TBC1D5: variants seen among roughly 807,000 people sequenced by gnomAD.
TBC1D5 encodes the protein TBC1 domain family, member 5.
In TBC1D5, 75 loss-of-function variants were observed where a neutral mutation model predicts 100.3. The observed-to-expected ratio is 0.75, with a 90% CI of 0.62 to 0.91. The LOEUF is 0.91. Among genes scored for constraint, TBC1D5 ranks in the 40% least tolerant of loss-of-function variants. TBC1D5 has a pLI of 0.00. For synonymous variants in TBC1D5, 323 were observed against 325.6 expected, an observed-to-expected ratio of 0.99 and a Z score of 0.09; for missense variants, 910 against 942.4, an observed-to-expected ratio of 0.97 and a Z score of 0.45.
intron 19 of TBC1D5, among the ~76,000 whole-genome samples, chr3:17,181,087 A>C (rs1390247547): frequency 2.6e-5 from 4 of 152,246 alleles, no homozygotes; most frequent in African/African-American, 9.6e-5. Context: ...ACCCCAGTGC[A>C]TAATGGAGGC....
chr3:17,586,220 A>G (rs1046145974), intron 2 of TBC1D5: 1 of 152,198 alleles, frequency 6.6e-6, no homozygotes, highest in East Asian at 1.9e-4. Context: ...GGAGTCTTCA[A>G]TCTAAATTTG....
chr3:17,198,424 A>G (rs1350798931), intron 18 of TBC1D5, among the ~76,000 whole-genome samples: 2 of 152,262 alleles, frequency 1.3e-5, no homozygotes, highest in Non-Finnish European at 2.9e-5. Context: ...AAATAAAAAC[A>G]TAGAACATAG....
intron 2 of TBC1D5, among the ~76,000 whole-genome samples, chr3:17,591,986 CAAG>C (rs1240340689): frequency 6.6e-6 from 1 of 152,176 alleles, no homozygotes; most frequent in African/African-American, 2.4e-5. Context: ...TAAGCTTAAC[CAAG>C]TAGTGGCTCC....
At chr3:17,647,958 T>A (rs940816762) in intron 1 of TBC1D5, among the ~76,000 whole-genome samples, 2 of 152,124 alleles carry the variant, frequency 1.3e-5, no homozygotes, top group African/African-American at 2.4e-5. Flanking sequence ...ACCAACAACA[T>A]TCTTCACAGA....
rs1242273015 is a variant in TBC1D5, at chr3:17,705,549, A to G, written c.-101+33794T>C. ...TCTCAGACGGGGCGGCCGGGCAGAGACGCTCCTCACCTCCCAGACGGGGTC... is the reference window on the plus strand; with the variant it reads ...TCTCAGACGGGGCGGCCGGGCAGAGGCGCTCCTCACCTCCCAGACGGGGTC... On this transcript the variant is annotated intron_variant, in intron 1 of 21. Coordinates refer to ENST00000253692, the Ensembl canonical transcript of TBC1D5. 1.1e-4 allele frequency among the ~76,000 whole-genome samples: 15 copies of G among 135,322 alleles called. No homozygotes were observed. In the East Asian group the frequency reaches 3.2e-3, roughly 29 times the overall value. 88.8% of individuals were successfully genotyped at this position (135,322 alleles called of 152,430 possible).
Position 17,404,928 on chromosome 3 carries a change from G to A in TBC1D5, c.310C>T (p.Gln104Ter). The change falls in exon 6 of 22, where the codon CAA (glutamine) becomes TAA (stop). Residue 104 changes from glutamine to a stop codon, truncating the protein, a stop_gained. Coordinates refer to ENST00000253692, the Ensembl canonical transcript of TBC1D5. LOFTEE classifies it high-confidence loss of function. The stretch of plus-strand genomic sequence containing the variant: ...AATTCTTCAATTCTACTTATCCATT[G>A]ACTTTTGTCTTGAGGAAGAACACAA... 4 of 1,600,066 alleles carry A rather than the reference G, an allele frequency of 2.5e-6. No homozygotes were observed. The highest frequency in any genetic ancestry group is 3.4e-6 in the Non-Finnish European group (4 of 1,173,034).
chr3:17,225,235 T>C (rs943900323), intron 17 of TBC1D5, among the ~76,000 whole-genome samples: 2 of 151,996 alleles, frequency 1.3e-5, no homozygotes, highest in Non-Finnish European at 2.9e-5. Context: ...GGTCAGGAGT[T>C]AGAGACCAGC....
intron 1 of TBC1D5, among the ~76,000 whole-genome samples, chr3:17,705,897 G>A (rs567294281): frequency 2.6e-4 from 39 of 152,122 alleles, no homozygotes; most frequent in African/African-American, 8.7e-4. Context: ...CAAGGCAGGC[G>A]TCTGCTCCTT....
intron 1 of TBC1D5, among the ~76,000 whole-genome samples, chr3:17,629,840 A>C (rs965897450): frequency 6.6e-6 from 1 of 152,214 alleles, no homozygotes; most frequent in African/African-American, 2.4e-5. Flanking sequence ...TGACATTTGA[A>C]CTTTAGCATG....
At chr3:17,183,113 C>T (rs183655458) in intron 19 of TBC1D5, among the ~76,000 whole-genome samples, 2 of 152,132 alleles carry the variant, frequency 1.3e-5, no homozygotes, top group Non-Finnish European at 1.5e-5. Context: ...AACTCTCCCC[C>T]CAACTGGAGA....
intron 13 of TBC1D5, among the ~76,000 whole-genome samples, chr3:17,329,348 C>G (rs1360136215): frequency 2.6e-5 from 4 of 152,046 alleles, no homozygotes; most frequent in African/African-American, 7.2e-5. Context: ...TGTTCAGGTA[C>G]AAATAAATAA....
intron 10 of TBC1D5, among the ~76,000 whole-genome samples, chr3:17,375,291 G>A (rs1189449064): frequency 1.3e-5 from 2 of 151,858 alleles, no homozygotes; most frequent in Admixed American, 6.6e-5. Flanking sequence ...ATGGCAGGCC[G>A]AGCATGGTGG....
At chr3:17,726,023 A>G (rs1158034761) in intron 1 of TBC1D5, among the ~76,000 whole-genome samples, 1 of 152,110 alleles carries the variant, frequency 6.6e-6, no homozygotes, top group Non-Finnish European at 1.5e-5. Flanking sequence ...AGCTTCACCC[A>G]TGTTGTTACA....
At chr3:17,242,462 T>A (rs1433724664) in intron 16 of TBC1D5, among the ~76,000 whole-genome samples, 2 of 152,028 alleles carry the variant, frequency 1.3e-5, no homozygotes, top group African/African-American at 4.8e-5. Context: ...TTTCTCTATA[T>A]TCTAATTTAT....
chr3:17,715,985 G>A (rs1269309806), intron 1 of TBC1D5, among the ~76,000 whole-genome samples: 1 of 144,906 alleles, frequency 6.9e-6, no homozygotes, highest in Non-Finnish European at 1.5e-5. Flanking sequence ...CCGGGAGGCG[G>A]AGGCTGCAGT....
chr3:17,373,255 C>A (rs969197431), intron 12 of TBC1D5, among the ~76,000 whole-genome samples: 1 of 152,122 alleles, frequency 6.6e-6, no homozygotes. Context: ...TGAAAAACAT[C>A]GATTAACTAT....
chr3:17,687,237 T>A (rs1254282348), intron 1 of TBC1D5, among the ~76,000 whole-genome samples: 2 of 151,756 alleles, frequency 1.3e-5, no homozygotes, highest in African/African-American at 4.9e-5. Flanking sequence ...TCATAAAAAA[T>A]GTTTTCTAAA....
chr3:17,509,646 T>C (rs1576429384), intron 2 of TBC1D5, among the ~76,000 whole-genome samples: 2 of 152,142 alleles, frequency 1.3e-5, no homozygotes, highest in East Asian at 1.9e-4. Flanking sequence ...TATCTAAACA[T>C]GCTTTAAGTA....
chr3:17,636,040 A>G (rs1381217026), intron 1 of TBC1D5, among the ~76,000 whole-genome samples: 1 of 152,070 alleles, frequency 6.6e-6, no homozygotes, highest in Non-Finnish European at 1.5e-5. Context: ...TAAAAATACA[A>G]AAATTAGCTG....
Sources: gnomAD v4.1 joint callset for allele counts (sites outside exome capture counted in the v4.1 genomes callset) on GRCh38, gnomAD v4.1.1 for gene constraint, MANE v1.5 for transcripts, NCBI Gene and HGNC (gene_info 2026-07-23, HGNC 2026-07-21) for gene names.